Variants in LTBP1 observed in about 807,000 individuals in gnomAD.
The protein encoded by LTBP1 is latent transforming growth factor beta binding protein 1.
LTBP1 carries 129 observed loss-of-function variants against 207.6 expected under a neutral mutation model. That is an observed-to-expected ratio of 0.62 (90% CI 0.54 to 0.72). The LOEUF is 0.72. LTBP1 is among the 30% of genes least tolerant of loss of function. The pLI is 0.00. For missense variants in LTBP1, 2,281 were observed against 2,217.2 expected, an observed-to-expected ratio of 1.03 and a Z score of -0.58; for synonymous variants, 963 against 833.7, an observed-to-expected ratio of 1.16 and a Z score of -2.67.
intron 5 of LTBP1, among the ~76,000 whole-genome samples, chr2:33,170,367 C>G (rs946557138): frequency 4.2e-5 from 5 of 117,860 alleles, no homozygotes; most frequent in Non-Finnish European, 9.9e-5. Context: ...GCACCTGGCT[C>G]AGAGGGTCCT....
rs375349680 is a variant in LTBP1, at chr2:33,168,537, C to A, written c.1202-18319C>A. 7.9e-5 allele frequency among the ~76,000 whole-genome samples: 12 copies of A among 151,994 alleles called. No individual in the cohort carries two copies. In the East Asian group the frequency reaches 2.3e-3, roughly 29 times the overall value. On this transcript the variant is annotated intron_variant, in intron 5 of 33. Transcript: ENST00000404816. Reference sequence around the variant, plus strand: ...TACAAATTTTTAATATTTAGTATTTCTGAAGAGCCATTTGAAACCAATCAG... The same window carrying A: ...TACAAATTTTTAATATTTAGTATTTATGAAGAGCCATTTGAAACCAATCAG...
At chr2:32,986,575 C>G (rs1683611354) in intron 2 of LTBP1, among the ~76,000 whole-genome samples, 1 of 152,058 alleles carries the variant, frequency 6.6e-6, no homozygotes, top group African/African-American at 2.4e-5. Flanking sequence ...CTTGTGAAAA[C>G]AAAAACAGAA....
chr2:33,262,287 C>A (rs2093035854), intron 13 of LTBP1, among the ~76,000 whole-genome samples: 1 of 152,224 alleles, frequency 6.6e-6, no homozygotes, highest in African/African-American at 2.4e-5. Flanking sequence ...TATGGCACAT[C>A]TGCTATATCC....
At chr2:33,052,544 T>C (rs1237968222) in intron 3 of LTBP1, among the ~76,000 whole-genome samples, 1 of 152,234 alleles carries the variant, frequency 6.6e-6, no homozygotes, top group African/African-American at 2.4e-5. Flanking sequence ...ATTTACTATT[T>C]GGCAACTACA....
At chr2:33,033,398 C>A (rs1573208263) in intron 3 of LTBP1, among the ~76,000 whole-genome samples, 1 of 152,086 alleles carries the variant, frequency 6.6e-6, no homozygotes, top group South Asian at 2.1e-4. Flanking sequence ...CCTGTGTGCA[C>A]CAGGCACCCT....
rs897881403 is a variant in LTBP1 at position 33,057,851 on chromosome 2, C to T, written c.863+36645C>T. On this transcript the variant is annotated intron_variant, in intron 3 of 33. Coordinates refer to ENST00000404816, the MANE Select transcript of LTBP1 (RefSeq NM_206943.4). ...AAGCCGAGGGAGGCGGCTCCGGCCT[C>T]GGCCAGCCCAGAGAATGGCTCCCAT... 6.6e-5 allele frequency among the ~76,000 whole-genome samples: 10 copies of T among 152,368 alleles called. No individual in the cohort carries two copies. The East Asian group carries it at 1.5e-3, about 23-fold the overall frequency.
At chr2:33,102,833 A>G (rs928750807) in intron 3 of LTBP1, among the ~76,000 whole-genome samples, 1 of 152,116 alleles carries the variant, frequency 6.6e-6, no homozygotes, top group Non-Finnish European at 1.5e-5. Context: ...CATTGTCTGT[A>G]TGCAGTCTGT....
At chr2:33,388,389 C>T (rs1188212593) in intron 31 of LTBP1, among the ~76,000 whole-genome samples, 1 of 152,156 alleles carries the variant, frequency 6.6e-6, no homozygotes, top group Non-Finnish European at 1.5e-5. Context: ...GAAAACTGTA[C>T]ACTCTGGAGC....
chr2:33,332,196 A>T (rs1329911823), intron 24 of LTBP1, among the ~76,000 whole-genome samples: 5 of 152,014 alleles, frequency 3.3e-5, no homozygotes, highest in Admixed American at 6.6e-5. Flanking sequence ...TTATTTAAGT[A>T]TCCTCAAATA....
intron 25 of LTBP1, among the ~76,000 whole-genome samples, chr2:33,343,577 G>T (rs1334672735): frequency 6.6e-6 from 1 of 152,202 alleles, no homozygotes; most frequent in Non-Finnish European, 1.5e-5. Context: ...AGAGTCTGGT[G>T]TGTGGTATAG....
intron 2 of LTBP1, among the ~76,000 whole-genome samples, chr2:32,982,038 C>G (rs1211005817): frequency 6.6e-6 from 1 of 152,114 alleles, no homozygotes; most frequent in Non-Finnish European, 1.5e-5. Context: ...GGGTAACAGG[C>G]AAAGGTTGGA....
chr2:33,088,460 A>T (rs1409810567), intron 3 of LTBP1, among the ~76,000 whole-genome samples: 1 of 149,810 alleles, frequency 6.7e-6, no homozygotes, highest in Non-Finnish European at 1.5e-5. Context: ...TCAAAAAAAG[A>T]AAAAAAAAAG....
At chr2:33,354,206 A>G (rs780282146) in intron 26 of LTBP1, among the ~76,000 whole-genome samples, 1 of 152,148 alleles carries the variant, frequency 6.6e-6, no homozygotes, top group Non-Finnish European at 1.5e-5. Context: ...ACATGTGACA[A>G]TCAGTCAACT....
intron 8 of LTBP1, among the ~76,000 whole-genome samples, chr2:33,221,665 A>G (rs2091115155): frequency 6.6e-6 from 1 of 152,212 alleles, no homozygotes. Context: ...AGTACTGTTA[A>G]TTAACTTTGC....
intron 18 of LTBP1, among the ~76,000 whole-genome samples, chr2:33,278,316 C>T (rs1161547617): frequency 6.6e-6 from 1 of 152,094 alleles, no homozygotes; most frequent in Admixed American, 6.5e-5. Flanking sequence ...CTAGCGTTCC[C>T]TCAGTAAATA....
chr2:33,283,061 CAAAAAA>C (rs201168175), intron 19 of LTBP1, among the ~76,000 whole-genome samples: 1 of 49,462 alleles, frequency 2.0e-5, no homozygotes, highest in African/African-American at 7.0e-5. Context: ...GACTCCATCT[CAAAAAA>C]AAAAAAAAAA....
chr2:33,205,786 G>T (rs2089817689), intron 7 of LTBP1, among the ~76,000 whole-genome samples: 2 of 152,150 alleles, frequency 1.3e-5, no homozygotes, highest in South Asian at 4.1e-4. Context: ...AGCCTAAAAG[G>T]AGATAACTAA....
intron 2 of LTBP1, among the ~76,000 whole-genome samples, chr2:33,005,746 C>T (rs1686768971): frequency 6.6e-6 from 1 of 152,076 alleles, no homozygotes; most frequent in Admixed American, 6.6e-5. Context: ...GCCAACATGC[C>T]TGGCTAATTT....
chr2:33,361,398 T>G (rs1364448252), intron 27 of LTBP1, 31 bp from the exon 28 acceptor site: 2 of 535,884 alleles, frequency 3.7e-6, no homozygotes, highest in African/African-American at 1.7e-4. Flanking sequence ...ATGTTGAATC[T>G]TTTTTTTTTT....
Sources: allele counts gnomAD v4.1 joint callset (sites outside exome capture counted in the v4.1 genomes callset), GRCh38; gene constraint gnomAD v4.1.1; transcripts MANE v1.5; gene names NCBI Gene and HGNC (gene_info 2026-07-23, HGNC 2026-07-21).